The following ACSBG2 variants were observed in gnomAD, a reference collection of about 807,000 sequenced individuals.
ACSBG2 encodes acyl-CoA synthetase bubblegum family member 2, also known as long-chain-fatty-acid--CoA ligase ACSBG2.
In ACSBG2, 62 loss-of-function variants were observed where a neutral mutation model predicts 74.7. The ratio of observed to expected loss-of-function variants is 0.83; its 90% confidence interval spans 0.68 to 1.03. The LOEUF (loss-of-function observed/expected upper bound fraction) is 1.03, where lower values mean the gene tolerates loss of function less well. Ranked by LOEUF, ACSBG2 falls within the 50% of genes least tolerant of loss-of-function variation. The probability of loss-of-function intolerance (pLI) is 0.00; values close to 1 mark genes in which losing one functional copy is unlikely to be tolerated. For synonymous variants in ACSBG2, 309 were observed against 294.1 expected, an observed-to-expected ratio of 1.05 and a Z score of -0.52; for missense variants, 730 against 817.6, an observed-to-expected ratio of 0.89 and a Z score of 1.31.
At chr19:6,172,568 G>A (rs2089991848) in intron 7 of ACSBG2, among the ~76,000 whole-genome samples, 1 of 152,140 alleles carries the variant, frequency 6.6e-6, no homozygotes, top group Non-Finnish European at 1.5e-5. Context: ...GGGTTCCATG[G>A]TTGTGGACAG....
chr19:6,137,406 A>C (rs1365231835), intron 1 of ACSBG2: 3 of 152,594 alleles, frequency 2.0e-5, no homozygotes, highest in Non-Finnish European at 4.4e-5. Flanking sequence ...CCAAGGAAGG[A>C]CTGCACCTGG....
intron 7 of ACSBG2, among the ~76,000 whole-genome samples, chr19:6,173,869 G>C (rs1049915449): frequency 6.6e-6 from 1 of 152,012 alleles, no homozygotes; most frequent in African/African-American, 2.4e-5. Flanking sequence ...AAGCCACAGG[G>C]CTCTGGGCAG....
intron 1 of ACSBG2, chr19:6,137,466 A>C (rs1346395204): frequency 6.6e-6 from 1 of 151,638 alleles, no homozygotes; most frequent in Non-Finnish European, 1.5e-5. Flanking sequence ...CAGAGTGAGG[A>C]GGGGGAGGGA....
At chr19:6,139,995 G>A (rs547282146) in intron 1 of ACSBG2, among the ~76,000 whole-genome samples, 13 of 152,104 alleles carry the variant, frequency 8.5e-5, no homozygotes, top group African/African-American at 2.9e-4. Flanking sequence ...AGGCCGAGGC[G>A]GGCAGATCAC....
intron 8 of ACSBG2, among the ~76,000 whole-genome samples, chr19:6,179,546 C>T (rs188600196): frequency 1.6e-4 from 25 of 152,272 alleles, no homozygotes; most frequent in Non-Finnish European, 3.1e-4. Context: ...CCCCAAGTTA[C>T]ATTCTCTGAA....
In ACSBG2 at chr19:6,151,720, G is replaced by A. The variant is rs139116689; in HGVS notation, c.311G>A (p.Arg104His). ...TTTCCTTCCCAGCTGGGTTTGGAGC[G>A]TTTCCACGGAGTTGGTATCCTGGGG... ...AKSLIKLGLE[R>H]FHGVGILGFN... The change falls in exon 4 of 15, where the codon CGT becomes CAT. Residue 104 changes from arginine (R) to histidine (H), a missense_variant. Physicochemically the swap from Arg to His is conservative, Grantham distance 29. Transcript: ENST00000588485. The A allele has an allele frequency of 1.0e-4, 163 of 1,599,716 alleles. No individual in the cohort carries two copies. Among genetic ancestry groups the A allele is most frequent in the Admixed American group, 1.6e-4 (9 of 57,310 alleles).
intron 4 of ACSBG2, among the ~76,000 whole-genome samples, chr19:6,155,788 TCAA>T (rs1737865783): frequency 3.2e-5 from 1 of 31,662 alleles, no homozygotes; most frequent in African/African-American, 1.4e-4. Flanking sequence ...AGACCCTGTC[TCAA>T]AAAAAAAAAA....
At chr19:6,166,125 A>C (rs113787639) in intron 7 of ACSBG2, 110 bp downstream of exon 7, 17,503 of 1,374,774 alleles carry the variant, frequency 0.013, 194 homozygotes, top group African/African-American at 0.052. Flanking sequence ...TGGCTCCTTC[A>C]CCATTGGGGG....
chr19:6,165,826 G>A lies in ACSBG2; in HGVS notation c.589-40G>A, dbSNP rs75463840. ...GGTCTGGCTGGGTGAGAGGACTCCC[G>A]ACTGCCTTCTCATCCTCCGCTTGTC... On this transcript the variant is annotated intron_variant, in intron 6 of 14. Coordinates refer to ENST00000588485, the MANE Select transcript of ACSBG2 (RefSeq NM_030924.5). 9,206 of 1,610,674 alleles carry A rather than the reference G, an allele frequency of 5.7e-3. 286 individuals carry two copies. The African/African-American group carries it at 0.078, about 14-fold the overall frequency.
chr19:6,184,910 T>TTTTTG (rs1410714112), intron 10 of ACSBG2, among the ~76,000 whole-genome samples: 3 of 147,678 alleles, frequency 2.0e-5, no homozygotes, highest in Non-Finnish European at 4.5e-5. Flanking sequence ...TTTTCTTTCA[T>TTTTTG]TTTTTGTTTT....
rs2090375020 is a variant in ACSBG2 at position 6,185,346 on chromosome 19, G to C, written c.1323-90G>C. The C allele has an allele frequency of 6.1e-6, 8 of 1,318,504 alleles. No individual in the cohort carries two copies. The East Asian group carries it at 1.8e-4, about 30-fold the overall frequency. The allele number at this position is 1,318,504 out of a possible 1,614,324, so 81.7% of individuals were successfully genotyped here. On this transcript the variant is annotated intron_variant, in intron 10 of 14. Coordinates refer to ENST00000588485, the MANE Select transcript of ACSBG2 (RefSeq NM_030924.5). ...ATCCAGCCTGCTCTAGCTGAGCAGA[G>C]TATTAGGCACCTAGGCTGAAGATCC...
intron 7 of ACSBG2, chr19:6,176,212 C>T: frequency 9.7e-7 from 1 of 1,034,372 alleles, no homozygotes; most frequent in Non-Finnish European, 1.3e-6. Flanking sequence ...GATTAACAAC[C>T]ATCTACTCAC....
chr19:6,140,185 A>G (rs886377651), intron 1 of ACSBG2, among the ~76,000 whole-genome samples: 1 of 148,278 alleles, frequency 6.7e-6, no homozygotes, highest in African/African-American at 2.5e-5. Flanking sequence ...AGATCGAGCC[A>G]CTGCACTCCA....
intron 4 of ACSBG2, among the ~76,000 whole-genome samples, chr19:6,153,491 A>C (rs893545675): frequency 6.6e-6 from 1 of 152,056 alleles, no homozygotes; most frequent in Non-Finnish European, 1.5e-5. Flanking sequence ...GTTCGACTCA[A>C]GATTAATAAT....
chr19:6,142,722 C>T (rs1297401703), intron 2 of ACSBG2, among the ~76,000 whole-genome samples: 1 of 143,964 alleles, frequency 6.9e-6, no homozygotes, highest in African/African-American at 2.6e-5. Context: ...CACTGCACTC[C>T]AGCCTGGGTG....
At chr19:6,188,272 G>C (rs942845180) in intron 13 of ACSBG2, among the ~76,000 whole-genome samples, 22 of 152,156 alleles carry the variant, frequency 1.4e-4, no homozygotes, top group African/African-American at 5.1e-4. Context: ...CCTTGTTACA[G>C]GACCCCCAGG....
intron 3 of ACSBG2, among the ~76,000 whole-genome samples, chr19:6,150,251 T>C (rs74514348): frequency 1.3e-5 from 2 of 150,314 alleles, no homozygotes; most frequent in East Asian, 3.9e-4. Context: ...GTGCCGCCAC[T>C]GTGGAAAAGT....
At chr19:6,176,027 G>A (rs905319376) in intron 7 of ACSBG2, 4 of 240,898 alleles carry the variant, frequency 1.7e-5, no homozygotes, top group Non-Finnish European at 2.4e-5. Context: ...GAGTTCTGTC[G>A]TTGGACCCAA....
intron 5 of ACSBG2, among the ~76,000 whole-genome samples, chr19:6,156,974 T>G (rs2089447346): frequency 6.7e-6 from 1 of 149,962 alleles, no homozygotes; most frequent in African/African-American, 2.5e-5. Flanking sequence ...CGAGACAGAG[T>G]CTCGCTCTGT....
Sources: gnomAD v4.1 joint callset for allele counts (sites outside exome capture counted in the v4.1 genomes callset) on GRCh38, gnomAD v4.1.1 for gene constraint, MANE v1.5 for transcripts, NCBI Gene and HGNC (gene_info 2026-07-23, HGNC 2026-07-21) for gene names.